Variants in PLD5 observed in about 807,000 individuals in gnomAD.
The protein encoded by PLD5 is inactive phospholipase D5.
A neutral mutation model predicts 61.1 loss-of-function variants in PLD5; 36 were observed. The observed-to-expected ratio is 0.59, with a 90% CI of 0.45 to 0.78. The LOEUF is 0.78. Among genes scored for constraint, PLD5 ranks in the 30% least tolerant of loss-of-function variants. The pLI, the probability that PLD5 is intolerant of heterozygous loss-of-function variation, is 0.00. For synonymous variants in PLD5, 243 were observed against 242.8 expected (o/e 1.00, Z -0.01); for missense variants, 515 against 644.4 (o/e 0.80, Z 2.17).
intron 1 of PLD5, among the ~76,000 whole-genome samples, chr1:242,424,958 C>G (rs1206069554): frequency 2.6e-5 from 4 of 152,104 alleles, no homozygotes; most frequent in African/African-American, 9.7e-5. Context: ...ATGGTGAAAC[C>G]TCGTCTGTAC....
intron 1 of PLD5, among the ~76,000 whole-genome samples, chr1:242,456,437 A>G (rs1208234237): frequency 6.6e-6 from 1 of 152,248 alleles, no homozygotes; most frequent in Non-Finnish European, 1.5e-5. Context: ...CATGCCCATC[A>G]TTGCAGAACT....
At chr1:242,266,588 G>T (rs938572034) in intron 3 of PLD5, among the ~76,000 whole-genome samples, 9 of 152,146 alleles carry the variant, frequency 5.9e-5, no homozygotes, top group Admixed American at 4.6e-4. Flanking sequence ...AAGGAAAATG[G>T]TCTTCTTGTA....
rs34759131 is a variant in PLD5 at position 242,215,043 on chromosome 1, ATTTTT to A, written c.735+4940_735+4944del. ...TTGTGCCTGCCACCGTGCCTGGCCA[ATTTTT>A]TTTTTTTTTTTTTGTATTTTTAGTA... is the stretch of plus-strand genomic sequence containing the variant. On this transcript the variant is annotated intron_variant, in intron 5 of 9. Transcript: ENST00000536534. 9.7e-4 allele frequency among the ~76,000 whole-genome samples: 117 copies of A among 120,598 alleles called. 1 individual carries two copies. Among genetic ancestry groups the A allele is most frequent in the African/African-American group, 3.3e-3 (106 of 31,782 alleles). 79.1% of individuals were successfully genotyped at this position (120,598 alleles called of 152,430 possible). A position where few individuals can be genotyped will look rare whatever the true frequency, so the allele number is the denominator to read the frequency against.
intron 1 of PLD5, among the ~76,000 whole-genome samples, chr1:242,410,863 C>T (rs1055632617): frequency 1.3e-5 from 2 of 149,976 alleles, no homozygotes; most frequent in Admixed American, 6.6e-5. Flanking sequence ...TGATCAAGCA[C>T]TACCCACAGA....
chr1:242,207,810 TTATATTTATATATTTA>T lies in PLD5; in HGVS notation c.735+12162_735+12177del, dbSNP rs1345291269. Among the ~76,000 whole-genome samples the T allele has an allele frequency of 7.7e-3, 288 of 37,350 alleles. 4 individuals are homozygous for T. The highest frequency in any genetic ancestry group is 0.012 in the African/African-American group (91 of 7,894). The allele number at this position is 37,350 out of a possible 152,430, so 24.5% of individuals were successfully genotyped here. ...TATATTTATATATATTTATATATAT[TTATATTTATATATTTA>T]TATATATTTATATATTTATATATAT... On this transcript the variant is annotated intron_variant, in intron 5 of 9. Coordinates refer to ENST00000536534, the MANE Select transcript of PLD5 (RefSeq NM_001372062.1).
intron 3 of PLD5, among the ~76,000 whole-genome samples, chr1:242,273,033 G>T (rs1674198551): frequency 6.6e-6 from 1 of 152,058 alleles, no homozygotes; most frequent in African/African-American, 2.4e-5. Context: ...GGGTTTTAAG[G>T]CCGGCATGCA....
At chr1:242,420,786 A>G (rs760545830) in intron 1 of PLD5, among the ~76,000 whole-genome samples, 7 of 152,180 alleles carry the variant, frequency 4.6e-5, no homozygotes, top group Non-Finnish European at 1.0e-4. Context: ...TTCCTTTTAC[A>G]TAGACCATCA....
chr1:242,090,077 T>C lies in PLD5; in HGVS notation c.1388A>G (p.Gln463Arg). ...NFDWVGNDFTQNAGTGLVINQ... is the reference protein window; with the variant it reads ...NFDWVGNDFTRNAGTGLVINQ... ...GATAACAAGGCCCGTGCCAGCATTC[T>C]GAGTGAAATCATTCCCTACCCAATC... Residue 463 changes from glutamine to arginine, a missense_variant, in exon 10 of 10, where the codon CAG (glutamine) becomes CGG (arginine). Gln to Arg is a conservative substitution (Grantham distance 43). Around this residue, in one of 2 missense-constraint regions of PLD5, gnomAD observed 450 missense variants for 598.1 expected, o/e 0.75. Coordinates refer to ENST00000536534, the MANE Select transcript of PLD5 (RefSeq NM_001372062.1). 6.2e-7 allele frequency: 1 copy of C among 1,614,214 alleles called. No individual in the cohort carries two copies. The highest frequency in any genetic ancestry group is 1.1e-5 in the South Asian group (1 of 91,084).
chr1:242,477,860 G>A (rs1667646850), intron 1 of PLD5, among the ~76,000 whole-genome samples: 1 of 152,210 alleles, frequency 6.6e-6, no homozygotes, highest in Admixed American at 6.5e-5. Flanking sequence ...ATCTGTTCCA[G>A]GAGCATAAGA....
At chr1:242,243,896 A>G (rs1672210565) in intron 4 of PLD5, among the ~76,000 whole-genome samples, 1 of 152,142 alleles carries the variant, frequency 6.6e-6, no homozygotes, top group Non-Finnish European at 1.5e-5. Context: ...TACTTTTTAG[A>G]TTGTAAAACT....
At chr1:242,132,800 C>T (rs1434228632) in intron 5 of PLD5, among the ~76,000 whole-genome samples, 4 of 152,110 alleles carry the variant, frequency 2.6e-5, no homozygotes, top group African/African-American at 9.7e-5. Flanking sequence ...CCAGAAGGAA[C>T]ATGACTAATT....
chr1:242,372,907 C>CA (rs1661719631), intron 1 of PLD5, among the ~76,000 whole-genome samples: 1 of 152,086 alleles, frequency 6.6e-6, no homozygotes, highest in Non-Finnish European at 1.5e-5. Context: ...TCTAAAACAC[C>CA]AAAAGCAACG....
intron 2 of PLD5, among the ~76,000 whole-genome samples, chr1:242,319,265 C>G (rs1658229132): frequency 6.6e-6 from 1 of 151,894 alleles, no homozygotes; most frequent in Non-Finnish European, 1.5e-5. Context: ...CTCTCACCTT[C>G]ATTGAAAAAA....
At chr1:242,160,269 C>T (rs1050617898) in intron 5 of PLD5, among the ~76,000 whole-genome samples, 4 of 152,290 alleles carry the variant, frequency 2.6e-5, no homozygotes, top group African/African-American at 7.2e-5. Context: ...GACTTTCCCA[C>T]CTCAGCCTCT....
At chr1:242,494,484 G>C (rs537455378) in intron 1 of PLD5, among the ~76,000 whole-genome samples, 9 of 152,010 alleles carry the variant, frequency 5.9e-5, no homozygotes, top group Non-Finnish European at 1.3e-4. Flanking sequence ...CTCTAAGTCT[G>C]TCCCTACGGC....
intron 5 of PLD5, among the ~76,000 whole-genome samples, chr1:242,146,857 G>T (rs954653846): frequency 6.6e-6 from 1 of 152,106 alleles, no homozygotes; most frequent in African/African-American, 2.4e-5. Context: ...CTCACAGGAA[G>T]CCTTTTCTAA....
At chr1:242,265,778 A>T (rs901620873) in intron 3 of PLD5, among the ~76,000 whole-genome samples, 5 of 152,220 alleles carry the variant, frequency 3.3e-5, no homozygotes, top group Non-Finnish European at 7.3e-5. Context: ...AAGATTAAGC[A>T]GTTGTGTTTT....
intron 6 of PLD5, among the ~76,000 whole-genome samples, chr1:242,123,938 C>T (rs1427915821): frequency 6.6e-6 from 1 of 152,162 alleles, no homozygotes; most frequent in Non-Finnish European, 1.5e-5. Flanking sequence ...GAGCACTGTC[C>T]TGTTGTGTGG....
At chr1:242,475,515 G>C (rs1667570799) in intron 1 of PLD5, among the ~76,000 whole-genome samples, 1 of 151,922 alleles carries the variant, frequency 6.6e-6, no homozygotes, top group Non-Finnish European at 1.5e-5. Context: ...TAAAACCTGT[G>C]ACTGAAATTA....
Sources: gnomAD v4.1 joint callset for allele counts (sites outside exome capture counted in the v4.1 genomes callset) on GRCh38, gnomAD v4.1.1 for gene constraint, gnomAD v4.1.1 regional missense constraint, MANE v1.5 for transcripts, NCBI Gene and HGNC (gene_info 2026-07-23, HGNC 2026-07-21) for gene names.